The following HDGFL3 variants were observed in gnomAD, a reference collection of about 807,000 sequenced individuals.
The protein encoded by HDGFL3 is hepatoma-derived growth factor-related protein 3.
HDGFL3 carries 6 observed loss-of-function variants against 27.6 expected under a neutral mutation model. The observed-to-expected ratio is 0.22, with a 90% CI of 0.12 to 0.43. HDGFL3 has a LOEUF of 0.43. HDGFL3 is among the 20% of genes least tolerant of loss of function. The pLI, the probability that HDGFL3 is intolerant of heterozygous loss-of-function variation, is 1.00. For synonymous variants in HDGFL3, 88 were observed against 88.9 expected (o/e 0.99, Z 0.05); for missense variants, 207 against 250.1 (o/e 0.83, Z 1.16).
intron 1 of HDGFL3, among the ~76,000 whole-genome samples, chr15:83,202,440 A>C (rs1379536249): frequency 6.6e-6 from 1 of 152,158 alleles, no homozygotes; most frequent in African/African-American, 2.4e-5. Context: ...GACAGGCTGA[A>C]ACCAGAACTC....
rs2036284613 is a variant in HDGFL3, at chr15:83,131,963, G to C, written c.*7307C>G. On this transcript the variant is annotated 3_prime_UTR_variant, in exon 6 of 6. Transcript: ENST00000299633. ...AAAATATCAATGAAAATGAAAAAAA[G>C]CCAAAGCCAGTAGAGTTCATATAGT... 6.6e-6 allele frequency: 1 copy of C among 152,144 alleles called. No individual in the cohort carries two copies. Among genetic ancestry groups the C allele is most frequent in the Non-Finnish European group, 1.5e-5 (1 of 68,004 alleles). The allele number at this position is 152,144 out of a possible 1,614,324, so 9.4% of individuals were successfully genotyped here.
chr15:83,178,838 T>C (rs1050492954), intron 1 of HDGFL3, among the ~76,000 whole-genome samples: 4 of 152,230 alleles, frequency 2.6e-5, no homozygotes, highest in African/African-American at 7.2e-5. Context: ...TCTTCTCTGA[T>C]AACTCTTCCA....
At chr15:83,176,360 A>G (rs576644078) in intron 1 of HDGFL3, among the ~76,000 whole-genome samples, 5 of 152,260 alleles carry the variant, frequency 3.3e-5, no homozygotes, top group Admixed American at 1.3e-4. Flanking sequence ...TAAAATGAAT[A>G]TAAGAATTTT....
At chr15:83,158,590 C>T (rs771406451) in intron 2 of HDGFL3, among the ~76,000 whole-genome samples, 2 of 152,166 alleles carry the variant, frequency 1.3e-5, no homozygotes, top group Non-Finnish European at 2.9e-5. Flanking sequence ...CCCCTCTGAA[C>T]AGGTGATAAA....
At position 83,204,776 on chromosome 15, in the gene HDGFL3, C is replaced by T. The variant is rs146952071; in HGVS notation, c.84+2555G>A. On this transcript the variant is annotated intron_variant, in intron 1 of 5. Transcript: ENST00000299633. ...GTGAGAATTATCTTTATTTTACAGA[C>T]GAGTAAACAGAAACTTAGAAAGATT... 4.4e-3 allele frequency among the ~76,000 whole-genome samples: 671 copies of T among 152,236 alleles called. 5 individuals carry two copies. The highest frequency in any genetic ancestry group is 0.017 in the Middle Eastern group (5 of 294).
chr15:83,203,853 A>G (rs557490569), intron 1 of HDGFL3, among the ~76,000 whole-genome samples: 13 of 151,518 alleles, frequency 8.6e-5, no homozygotes, highest in African/African-American at 2.9e-4. Flanking sequence ...ATATATAAAG[A>G]AAATTTAGAT....
intron 1 of HDGFL3, among the ~76,000 whole-genome samples, chr15:83,175,614 C>T (rs1056367595): frequency 1.3e-5 from 2 of 152,192 alleles, no homozygotes; most frequent in African/African-American, 4.8e-5. Flanking sequence ...AATCCCAGCG[C>T]TTTGGAAGGC....
Position 83,119,475 on chromosome 15 carries a change from A to T in HDGFL3, c.394-3734T>A, listed in dbSNP as rs375238769. ...GAAATAGTTTCATCTTAGCAGATGA[A>T]CACAAGTTAGTTCTGCTGTTTTATT... On this transcript the variant is annotated intron_variant, in intron 3 of 3. Transcript: ENST00000568294. 2.7e-5 allele frequency: 32 copies of T among 1,179,708 alleles called. 1 individual carries two copies. In the East Asian group the frequency reaches 4.0e-4, roughly 15 times the overall value. The allele number at this position is 1,179,708 out of a possible 1,614,324, so 73.1% of individuals were successfully genotyped here.
chr15:83,201,781 C>G (rs1424808552), intron 1 of HDGFL3, among the ~76,000 whole-genome samples: 8 of 152,160 alleles, frequency 5.3e-5, no homozygotes, highest in Non-Finnish European at 1.5e-5. Flanking sequence ...ACGGGAGCAT[C>G]GGAAAATGAA....
chr15:83,136,737 G>A lies in HDGFL3; in HGVS notation c.*2533C>T. 4 of 1,392,156 alleles carry A rather than the reference G, an allele frequency of 2.9e-6. No individual in the cohort carries two copies. The East Asian group carries it at 6.9e-5, about 24-fold the overall frequency. 86.2% of individuals were successfully genotyped at this position (1,392,156 alleles called of 1,614,324 possible). A position where few individuals can be genotyped will look rare whatever the true frequency, so the allele number is the denominator to read the frequency against. Reference sequence around the variant, plus strand: ...TTTGTTATACTGGTACTGATATTTTGTCCCATTTCACTCTCTTCTCATACG... The same window carrying A: ...TTTGTTATACTGGTACTGATATTTTATCCCATTTCACTCTCTTCTCATACG... On this transcript the variant is annotated 3_prime_UTR_variant, in exon 6 of 6. Transcript: ENST00000299633.
chr15:83,123,838 T>G (rs541090218), downstream of HDGFL3, among the ~76,000 whole-genome samples: 1 of 152,378 alleles, frequency 6.6e-6, no homozygotes, highest in South Asian at 2.1e-4. Flanking sequence ...CTTATCATTA[T>G]TTTTAATGTG....
At chr15:83,122,677 T>G in intron 3 of HDGFL3, 25 of 1,513,050 alleles carry the variant, frequency 1.7e-5, no homozygotes, top group East Asian at 2.3e-5. Context: ...TTAGATGACC[T>G]GAGATGGGGA....
intron 2 of HDGFL3, among the ~76,000 whole-genome samples, chr15:83,160,164 G>T (rs1009659133): frequency 2.0e-5 from 3 of 152,108 alleles, no homozygotes; most frequent in African/African-American, 7.2e-5. Context: ...TGTGAGAAAG[G>T]GTAGAGGAGT....
At chr15:83,191,589 CTT>C (rs2037511384) in intron 1 of HDGFL3, among the ~76,000 whole-genome samples, 1 of 152,138 alleles carries the variant, frequency 6.6e-6, no homozygotes, top group South Asian at 2.1e-4. Flanking sequence ...AAGTTTAAGA[CTT>C]TAACTAAAGT....
chr15:83,161,081 T>C (rs1168592330), intron 2 of HDGFL3, among the ~76,000 whole-genome samples: 1 of 152,210 alleles, frequency 6.6e-6, no homozygotes, highest in Non-Finnish European at 1.5e-5. Context: ...TTTAGAAGAA[T>C]TTGTCGTGAA....
intron 5 of HDGFL3, among the ~76,000 whole-genome samples, chr15:83,148,091 T>C (rs1197209668): frequency 6.6e-6 from 1 of 152,256 alleles, no homozygotes; most frequent in African/African-American, 2.4e-5. Flanking sequence ...ATACTCACTA[T>C]ATTGGCAATA....
chr15:83,189,738 C>A (rs1279877227), intron 1 of HDGFL3, among the ~76,000 whole-genome samples: 2 of 152,138 alleles, frequency 1.3e-5, no homozygotes, highest in Non-Finnish European at 1.5e-5. Context: ...ATCTGGCATA[C>A]AGTGGGAATT....
intron 3 of HDGFL3, chr15:83,122,154 A>T (rs2035316205): frequency 4.2e-6 from 3 of 706,308 alleles, no homozygotes; most frequent in Middle Eastern, 3.8e-4. Context: ...TCTCACCTTT[A>T]AAAAAAGTAC....
rs2151402445 is a variant in HDGFL3, at chr15:83,157,947, A to G, written c.256T>C (p.Trp86Arg). The change falls in exon 3 of 6, where the codon TGG becomes CGG. Residue 86 changes from tryptophan to arginine, a missense_variant. By Grantham distance (101) the Trp-to-Arg change is moderately radical. Transcript: ENST00000299633. Reference sequence around the variant, plus strand: ...ACTCCTGGGTTATTTTCTATTTCCCACAATCCTTCGTTAAATCCTTTCCGT... The same window carrying G: ...ACTCCTGGGTTATTTTCTATTTCCCGCAATCCTTCGTTAAATCCTTTCCGT... ...NKRKGFNEGL[W>R]EIENNPGVKF... is the part of the protein sequence containing the mutation. 1 of 1,612,896 alleles carries G rather than the reference A, an allele frequency of 6.2e-7. No homozygotes were observed. The highest frequency in any genetic ancestry group is 8.5e-7 in the Non-Finnish European group (1 of 1,179,470).
Sources: allele counts gnomAD v4.1 joint callset (sites outside exome capture counted in the v4.1 genomes callset), GRCh38; gene constraint gnomAD v4.1.1; transcripts MANE v1.5; gene names NCBI Gene and HGNC (gene_info 2026-07-23, HGNC 2026-07-21).